RXRA: variants seen among roughly 807,000 people sequenced by gnomAD.
RXRA encodes retinoid X receptor alpha, also known as retinoic acid receptor RXR-alpha.
In RXRA, 5 loss-of-function variants were observed where a neutral mutation model predicts 44.5. The ratio of observed to expected loss-of-function variants is 0.11; its 90% CI spans 0.06 to 0.24. The LOEUF (loss-of-function observed/expected upper bound fraction) is 0.24. Ranked by LOEUF, RXRA falls within the 10% of genes least tolerant of loss-of-function variation. The pLI is 1.00. For synonymous variants in RXRA, 291 were observed against 271.4 expected (o/e 1.07, Z -0.71); for missense variants, 412 against 646.5 (o/e 0.64, Z 3.93).
intron 1 of RXRA, among the ~76,000 whole-genome samples, chr9:134,351,116 G>A (rs1830216583): frequency 6.6e-6 from 1 of 152,260 alleles, no homozygotes; most frequent in South Asian, 2.1e-4. Context: ...AGGGGGCTGA[G>A]CCCTCTGAAT....
chr9:134,392,906 G>A (rs1410630832), intron 1 of RXRA, among the ~76,000 whole-genome samples: 4 of 152,018 alleles, frequency 2.6e-5, no homozygotes, highest in Non-Finnish European at 5.9e-5. Flanking sequence ...TCTGGGATGG[G>A]GCTCCGAGTC....
chr9:134,382,295 G>A (rs1330591875), intron 1 of RXRA, among the ~76,000 whole-genome samples: 19 of 151,928 alleles, frequency 1.3e-4, no homozygotes, highest in African/African-American at 4.1e-4. Flanking sequence ...GTGTGTGTGC[G>A]CTTTTGACTG....
At chr9:134,372,866 A>G (rs10453255) in intron 1 of RXRA, among the ~76,000 whole-genome samples, 34,547 of 152,150 alleles carry the variant, frequency 0.23, 4,023 homozygotes, top group Admixed American at 0.3. Context: ...CTGGGCGCGG[A>G]GCTGCTTGAG....
At chr9:134,430,664 A>C (rs1181486864) in intron 7 of RXRA, among the ~76,000 whole-genome samples, 1 of 152,144 alleles carries the variant, frequency 6.6e-6, no homozygotes, top group East Asian at 1.9e-4. Context: ...TGCAGGGTGC[A>C]GTGTGCAGTG....
At chr9:134,434,814 C>G (rs1229735768) in intron 9 of RXRA, among the ~76,000 whole-genome samples, 1 of 150,322 alleles carries the variant, frequency 6.7e-6, no homozygotes, top group East Asian at 2.0e-4. Context: ...TCTGCCTCTT[C>G]TCTCTAAAGG....
chr9:134,409,699 TCA>T, intron 4 of RXRA, among the ~76,000 whole-genome samples: 1 of 152,320 alleles, frequency 6.6e-6, no homozygotes, highest in East Asian at 1.9e-4. Context: ...GCTGTAGTCC[TCA>T]GTTTCCCCAT....
chr9:134,430,563 CGGT>C (rs1831516377), intron 7 of RXRA, among the ~76,000 whole-genome samples: 2 of 152,202 alleles, frequency 1.3e-5, no homozygotes. Flanking sequence ...GGTGGGCAAA[CGGT>C]AGTTCAAACA....
chr9:134,343,963 A>G lies in RXRA; in HGVS notation c.28+17304A>G, dbSNP rs1554748411. Among the ~76,000 whole-genome samples, 1 of 152,120 alleles carries G rather than the reference A, an allele frequency of 6.6e-6. No individual in the cohort carries two copies. The highest frequency in any genetic ancestry group is 1.5e-5 in the Non-Finnish European group (1 of 68,006). ...GCATCTCCCCATAGGCCCTCCCCAC[A>G]GGATGCAGCCCTTCCTCATGGGGCC... On this transcript the variant is annotated intron_variant, in intron 1 of 9. Coordinates refer to ENST00000481739, the MANE Select transcript of RXRA (RefSeq NM_002957.6). This position sits in a 1 kb window ranked among gnomAD's most constrained non-coding sequence, Gnocchi z 4.1.
At chr9:134,376,019 C>T (rs1219799405) in intron 1 of RXRA, among the ~76,000 whole-genome samples, 3 of 151,174 alleles carry the variant, frequency 2.0e-5, no homozygotes, top group Non-Finnish European at 4.4e-5. Flanking sequence ...CCCTTCTCCG[C>T]ATGCGGGCAG....
chr9:134,396,821 C>T (rs1011160242), intron 1 of RXRA, among the ~76,000 whole-genome samples: 1 of 152,230 alleles, frequency 6.6e-6, no homozygotes, highest in African/African-American at 2.4e-5. Flanking sequence ...AGACAGGTGA[C>T]CTGATCACTC....
At chr9:134,386,790 A>G (rs1370225493) in intron 1 of RXRA, among the ~76,000 whole-genome samples, 1 of 152,112 alleles carries the variant, frequency 6.6e-6, no homozygotes, top group African/African-American at 2.4e-5. Context: ...GTTCCAGAAG[A>G]AAGACCTGGG....
rs1054394894 is a variant in RXRA, at chr9:134,365,934, G to T, written c.29-35698G>T. ...GTGCACACAGACGCTCAGCACAGTT[G>T]TGGCTGCCTCCAGTCAGGCGTCCGC... On this transcript the variant is annotated intron_variant, in intron 1 of 9. Coordinates refer to ENST00000481739, the MANE Select transcript of RXRA (RefSeq NM_002957.6). This position sits in a 1 kb window ranked among gnomAD's most constrained non-coding sequence, Gnocchi z 4.0. Among the ~76,000 whole-genome samples, 2 of 152,138 alleles carry T rather than the reference G, an allele frequency of 1.3e-5. No individual in the cohort carries two copies. The highest frequency in any genetic ancestry group is 4.8e-5 in the African/African-American group (2 of 41,426).
intron 1 of RXRA, among the ~76,000 whole-genome samples, chr9:134,340,419 C>T (rs1554747982): frequency 6.6e-6 from 1 of 152,176 alleles, no homozygotes; most frequent in South Asian, 2.1e-4. Context: ...GGAAGTGTCA[C>T]AGGGGTGATA....
At chr9:134,341,600 T>G (rs1045445257) in intron 1 of RXRA, among the ~76,000 whole-genome samples, 4 of 152,322 alleles carry the variant, frequency 2.6e-5, no homozygotes, top group Admixed American at 1.3e-4. Context: ...GCCAGGACCT[T>G]GGAGGAGGCG....
rs1311519425 is a variant in RXRA, at chr9:134,437,267, C to T, written c.*653C>T. The T allele has an allele frequency of 3.9e-5, 6 of 153,480 alleles. No individual in the cohort carries two copies. The highest frequency in any genetic ancestry group is 2.9e-5 in the Non-Finnish European group (2 of 68,706). 9.5% of individuals were successfully genotyped at this position (153,480 alleles called of 1,614,324 possible). ...GATAACTCACAGTTTTGCCCTCGAG[C>T]CAATGAGAACATGAGCTGCCCTCTG... On this transcript the variant is annotated 3_prime_UTR_variant, in exon 10 of 10. Coordinates refer to ENST00000481739, the MANE Select transcript of RXRA (RefSeq NM_002957.6).
chr9:134,425,209 G>A (rs950779035), intron 6 of RXRA: 37 of 985,294 alleles, frequency 3.8e-5, no homozygotes, highest in Middle Eastern at 5.2e-4. Context: ...GCTGTGGGAG[G>A]TTGATGTCAC....
intron 9 of RXRA, among the ~76,000 whole-genome samples, chr9:134,435,189 G>A (rs746822937): frequency 3.3e-5 from 5 of 152,232 alleles, no homozygotes; most frequent in Admixed American, 6.5e-5. Context: ...GAAAGACTTC[G>A]TTAATAATTA....
chr9:134,429,544 C>T (rs918555935), intron 7 of RXRA, among the ~76,000 whole-genome samples: 1 of 152,170 alleles, frequency 6.6e-6, no homozygotes, highest in African/African-American at 2.4e-5. Flanking sequence ...GTGATTATAC[C>T]GTAGATGCAG....
At chr9:134,359,147 T>C (rs1205322548) in intron 1 of RXRA, among the ~76,000 whole-genome samples, 2 of 152,072 alleles carry the variant, frequency 1.3e-5, no homozygotes, top group African/African-American at 2.4e-5. Flanking sequence ...GTGTTCTTCC[T>C]GCTTTTGGGG....
Sources: allele counts gnomAD v4.1 joint callset (sites outside exome capture counted in the v4.1 genomes callset), GRCh38; gene constraint gnomAD v4.1.1; non-coding constraint Gnocchi (gnomAD v3.1); transcripts MANE v1.5; gene names NCBI Gene and HGNC (gene_info 2026-07-23, HGNC 2026-07-21).